DACH1: variants seen among roughly 807,000 people sequenced by gnomAD.
DACH1 encodes dachshund family transcription factor 1.
A neutral mutation model predicts 54.2 loss-of-function variants in DACH1; 12 were observed. The ratio of observed to expected loss-of-function variants is 0.22; its 90% CI spans 0.14 to 0.36. DACH1 has a LOEUF of 0.36. Ranked by LOEUF, DACH1 falls within the 10% of genes least tolerant of loss-of-function variation. The pLI, the probability that DACH1 is intolerant of heterozygous loss-of-function variation, is 1.00. For missense variants in DACH1, 805 were observed against 929.8 expected (o/e 0.87, Z 1.75); for synonymous variants, 386 against 366.2 (o/e 1.05, Z -0.62).
At chr13:71,550,055 T>C (rs1295995754) in intron 6 of DACH1, among the ~76,000 whole-genome samples, 1 of 152,314 alleles carries the variant, frequency 6.6e-6, no homozygotes, top group East Asian at 1.9e-4. Flanking sequence ...ATCAAAGTGC[T>C]GTCTACAATA....
chr13:71,618,180 A>G (rs1875926771), intron 3 of DACH1, among the ~76,000 whole-genome samples: 1 of 152,114 alleles, frequency 6.6e-6, no homozygotes, highest in Non-Finnish European at 1.5e-5. Context: ...CTTGTTCAGA[A>G]TTTTTCCCTG....
At chr13:71,863,030 A>G (rs1047523731) in intron 1 of DACH1, among the ~76,000 whole-genome samples, 2 of 152,140 alleles carry the variant, frequency 1.3e-5, no homozygotes, top group Non-Finnish European at 1.5e-5. Context: ...TAGAGGAGAA[A>G]GAAACCAAAG....
chr13:71,765,427 T>C (rs1392983590), intron 1 of DACH1, among the ~76,000 whole-genome samples: 2 of 152,356 alleles, frequency 1.3e-5, no homozygotes, highest in East Asian at 1.9e-4. Flanking sequence ...ATCTTCTAAC[T>C]AGCCTTCTTG....
chr13:71,732,011 C>T (rs529084504), intron 1 of DACH1, among the ~76,000 whole-genome samples: 1 of 152,278 alleles, frequency 6.6e-6, no homozygotes, highest in Non-Finnish European at 1.5e-5. Flanking sequence ...ATTTTGAATC[C>T]TTTCAACGAA....
chr13:71,735,668 T>C (rs1195929211), intron 1 of DACH1, among the ~76,000 whole-genome samples: 1 of 89,712 alleles, frequency 1.1e-5, no homozygotes, highest in Non-Finnish European at 3.2e-5. Flanking sequence ...GGATTATATA[T>C]ATCCCTTCCT....
At chr13:71,515,550 T>C (rs1881093680) in intron 6 of DACH1, among the ~76,000 whole-genome samples, 1 of 151,682 alleles carries the variant, frequency 6.6e-6, no homozygotes. Context: ...TGTAGATTTG[T>C]ATTTGAAATC....
intron 10 of DACH1, chr13:71,464,720 G>A (rs867963355): frequency 3.5e-5 from 16 of 454,574 alleles, no homozygotes; most frequent in Middle Eastern, 6.5e-4. Context: ...CTGTTTTGAT[G>A]TATAATCTTG....
intron 1 of DACH1, among the ~76,000 whole-genome samples, chr13:71,779,164 T>A: frequency 1.2e-5 from 1 of 80,602 alleles, no homozygotes; most frequent in African/African-American, 4.9e-5. Flanking sequence ...TATACGTATA[T>A]ACGTATATAT....
chr13:71,592,458 G>A (rs1349993579), intron 3 of DACH1, among the ~76,000 whole-genome samples: 1 of 128,258 alleles, frequency 7.8e-6, no homozygotes, highest in African/African-American at 3.1e-5. Context: ...CCGTGCCACT[G>A]CTCTCTAGCC....
chr13:71,671,673 TAA>T (rs1880216007), intron 2 of DACH1, among the ~76,000 whole-genome samples: 1 of 152,014 alleles, frequency 6.6e-6, no homozygotes, highest in Admixed American at 6.6e-5. Flanking sequence ...CGAGGGAGAA[TAA>T]GTTTTCAAAA....
intron 1 of DACH1, among the ~76,000 whole-genome samples, chr13:71,749,514 C>A (rs1042386173): frequency 6.6e-6 from 1 of 152,024 alleles, no homozygotes; most frequent in African/African-American, 2.4e-5. Flanking sequence ...CCGCAAATCC[C>A]AGCTCTTAGC....
intron 3 of DACH1, among the ~76,000 whole-genome samples, chr13:71,585,568 G>A (rs938450684): frequency 1.3e-5 from 2 of 152,130 alleles, no homozygotes; most frequent in Non-Finnish European, 2.9e-5. Context: ...GCAGTGAGGC[G>A]AAGACATACA....
chr13:71,505,067 A>G (rs936220171), intron 6 of DACH1, among the ~76,000 whole-genome samples: 2 of 152,066 alleles, frequency 1.3e-5, no homozygotes, highest in African/African-American at 2.4e-5. Flanking sequence ...TGTTAATTAG[A>G]TATCTCCTTC....
intron 3 of DACH1, among the ~76,000 whole-genome samples, chr13:71,612,673 A>C (rs192734891): frequency 6.6e-6 from 1 of 152,306 alleles, no homozygotes; most frequent in East Asian, 1.9e-4. Flanking sequence ...TTTATGTTCC[A>C]GATTAAATGA....
intron 6 of DACH1, among the ~76,000 whole-genome samples, chr13:71,552,739 TG>T (rs1229384385): frequency 7.1e-6 from 1 of 141,768 alleles, no homozygotes; most frequent in African/African-American, 2.6e-5. Flanking sequence ...TCCGGATGTT[TG>T]GAAAAGCTGA....
chr13:71,699,763 G>A (rs1882018871), intron 1 of DACH1, among the ~76,000 whole-genome samples: 1 of 152,202 alleles, frequency 6.6e-6, no homozygotes, highest in Admixed American at 6.5e-5. Flanking sequence ...TGCCTTGAGT[G>A]TGCATATTGG....
chr13:71,684,753 G>A (rs1881075113), intron 1 of DACH1, among the ~76,000 whole-genome samples: 1 of 152,056 alleles, frequency 6.6e-6, no homozygotes, highest in Non-Finnish European at 1.5e-5. Context: ...GTAGCTCAGT[G>A]TCTGGTTCAC....
intron 2 of DACH1, among the ~76,000 whole-genome samples, chr13:71,644,229 ATCCT>A (rs1020862389): frequency 4.6e-5 from 7 of 152,240 alleles, no homozygotes; most frequent in Non-Finnish European, 1.0e-4. Context: ...TAACGCAGAA[ATCCT>A]TCCTCTGTCA....
intron 1 of DACH1, among the ~76,000 whole-genome samples, chr13:71,720,833 T>C (rs745707255): frequency 3.9e-4 from 59 of 152,288 alleles, no homozygotes; most frequent in Admixed American, 1.8e-3. Flanking sequence ...AAAAAGTTTA[T>C]TTTCTTGCAG....
Sources: gnomAD v4.1 joint callset for allele counts (sites outside exome capture counted in the v4.1 genomes callset) on GRCh38, gnomAD v4.1.1 for gene constraint, MANE v1.5 for transcripts, NCBI Gene and HGNC (gene_info 2026-07-23, HGNC 2026-07-21) for gene names.